The following CNTN3 variants were observed in gnomAD, a reference collection of about 807,000 sequenced individuals.
The protein encoded by CNTN3 is contactin-3.
A neutral mutation model predicts 119.1 loss-of-function variants in CNTN3; 60 were observed. The ratio of observed to expected loss-of-function variants is 0.50; its 90% CI spans 0.41 to 0.62. CNTN3 has a LOEUF of 0.62. Ranked by LOEUF, CNTN3 falls within the 20% of genes least tolerant of loss-of-function variation. The probability of loss-of-function intolerance (pLI) is 0.00; values close to 1 mark genes in which losing one functional copy is unlikely to be tolerated. For missense variants in CNTN3, 1,101 were observed against 1,242.4 expected, an observed-to-expected ratio of 0.89 and a Z score of 1.71; for synonymous variants, 450 against 438.7, an observed-to-expected ratio of 1.03 and a Z score of -0.32.
chr3:74,424,471 T>TGAGAGAGAGAGAGA, intron 5 of CNTN3, among the ~76,000 whole-genome samples: 1 of 67,018 alleles, frequency 1.5e-5, no homozygotes, highest in African/African-American at 4.4e-5. Context: ...TGTGTGTGTG[T>TGAGAGAGAGAGAGA]GACAGAGAGA....
chr3:74,443,958 T>G (rs1702007036), intron 4 of CNTN3, among the ~76,000 whole-genome samples: 1 of 152,118 alleles, frequency 6.6e-6, no homozygotes, highest in Non-Finnish European at 1.5e-5. Context: ...AAAATCATGG[T>G]GTTGGCAGGA....
intron 1 of CNTN3, among the ~76,000 whole-genome samples, chr3:74,592,814 C>T (rs1405069043): frequency 6.6e-6 from 1 of 151,894 alleles, no homozygotes; most frequent in African/African-American, 2.4e-5. Flanking sequence ...TCACACTGAT[C>T]ATAAATTGCA....
intron 2 of CNTN3, among the ~76,000 whole-genome samples, chr3:74,501,035 G>A (rs1485650641): frequency 6.6e-6 from 1 of 151,910 alleles, no homozygotes; most frequent in Non-Finnish European, 1.5e-5. Flanking sequence ...CTTTATGTAA[G>A]GAATTTGGCC....
chr3:74,575,260 T>C (rs116441621), intron 1 of CNTN3, among the ~76,000 whole-genome samples: 5,698 of 152,092 alleles, frequency 0.037, 135 homozygotes, highest in South Asian at 0.076. Context: ...ATTAGATTAA[T>C]ATTTTTTTTG....
At chr3:74,506,898 T>C (rs1228307251) in intron 2 of CNTN3, among the ~76,000 whole-genome samples, 1 of 152,234 alleles carries the variant, frequency 6.6e-6, no homozygotes, top group Non-Finnish European at 1.5e-5. Context: ...TCAAAGGTTT[T>C]AATAGAGATG....
chr3:74,277,325 T>G (rs1008284797), intron 20 of CNTN3, among the ~76,000 whole-genome samples: 1 of 151,968 alleles, frequency 6.6e-6, no homozygotes, highest in Non-Finnish European at 1.5e-5. Context: ...ACAAGAAAAC[T>G]ACAGACCGAT....
In CNTN3 at chr3:74,327,105, C is replaced by CTTTTTT. The variant is rs1491284899; in HGVS notation, c.1668+7629_1668+7630insAAAAAA. Among the ~76,000 whole-genome samples, 372 of 90,692 alleles carry CTTTTTT rather than the reference C, an allele frequency of 4.1e-3. 1 individual carries two copies. Among genetic ancestry groups the CTTTTTT allele is most frequent in the East Asian group, 7.8e-3 (20 of 2,572 alleles). 59.5% of individuals were successfully genotyped at this position (90,692 alleles called of 152,430 possible). A position where few individuals can be genotyped will look rare whatever the true frequency, so the allele number is the denominator to read the frequency against. Reference sequence around the variant, plus strand: ...CTAAAGTAGCTTATGAAGGGTTAATCCTTTTTTTTTTTTTTTTTTTTTTTT... The same window carrying CTTTTTT: ...CTAAAGTAGCTTATGAAGGGTTAATCTTTTTTCTTTTTTTTTTTTTTTTTTTTTTTT... On this transcript the variant is annotated intron_variant, in intron 13 of 22. Coordinates refer to ENST00000263665, the MANE Select transcript of CNTN3 (RefSeq NM_020872.3).
intron 4 of CNTN3, among the ~76,000 whole-genome samples, chr3:74,425,418 G>A (rs1037998161): frequency 3.3e-5 from 5 of 152,158 alleles, no homozygotes; most frequent in East Asian, 1.9e-4. Context: ...TTGCTTTGAG[G>A]TAGAAAAGCT....
At chr3:74,554,500 C>T (rs1338867864) in intron 1 of CNTN3, among the ~76,000 whole-genome samples, 3 of 152,168 alleles carry the variant, frequency 2.0e-5, no homozygotes, top group African/African-American at 4.8e-5. Flanking sequence ...CTATAAATTA[C>T]TTTGGGCAGT....
intron 2 of CNTN3, among the ~76,000 whole-genome samples, chr3:74,506,041 G>C (rs1703253666): frequency 6.6e-6 from 1 of 152,150 alleles, no homozygotes; most frequent in Admixed American, 6.6e-5. Flanking sequence ...TCGCAGGAAT[G>C]GCAGAGCCCT....
intron 1 of CNTN3, among the ~76,000 whole-genome samples, chr3:74,611,822 T>C (rs1705086388): frequency 6.6e-6 from 1 of 152,206 alleles, no homozygotes; most frequent in African/African-American, 2.4e-5. Flanking sequence ...ACAAAGTACC[T>C]TGCTAAGATA....
chr3:74,504,284 G>C (rs996992482), intron 2 of CNTN3, among the ~76,000 whole-genome samples: 1 of 152,144 alleles, frequency 6.6e-6, no homozygotes, highest in African/African-American at 2.4e-5. Context: ...TGCAATTAAA[G>C]ACAGAATGTA....
intron 4 of CNTN3, among the ~76,000 whole-genome samples, chr3:74,458,193 C>A (rs1047225124): frequency 6.6e-6 from 1 of 151,940 alleles, no homozygotes; most frequent in African/African-American, 2.4e-5. Context: ...CAGCTCTCTG[C>A]TGAAGAAATA....
intron 13 of CNTN3, among the ~76,000 whole-genome samples, chr3:74,325,113 CTT>C (rs1461087594): frequency 6.8e-6 from 1 of 147,358 alleles, no homozygotes; most frequent in Non-Finnish European, 1.5e-5. Context: ...ATTACTTTGT[CTT>C]TGGCAAAAAA....
rs923356074 is a variant in CNTN3 at position 74,611,684 on chromosome 3, A to C, written c.-81+2707T>G. On this transcript the variant is annotated intron_variant, in intron 1 of 22. Transcript: ENST00000263665. ...ATTCTCCATTGCACTTTTTTCAAGC[A>C]TAAGAAAGGAAACTGTCCACCAGCA... Among the ~76,000 whole-genome samples the C allele has an allele frequency of 5.3e-5, 8 of 152,202 alleles. No individual in the cohort carries two copies. The East Asian group carries it at 1.4e-3, about 26-fold the overall frequency.
intron 1 of CNTN3, among the ~76,000 whole-genome samples, chr3:74,583,457 A>G (rs2106672090): frequency 6.6e-6 from 1 of 152,318 alleles, no homozygotes; most frequent in South Asian, 2.1e-4. Flanking sequence ...CAAAACAGCG[A>G]GGCTCTAAAG....
At chr3:74,510,779 A>G (rs1703350716) in intron 2 of CNTN3, among the ~76,000 whole-genome samples, 1 of 152,136 alleles carries the variant, frequency 6.6e-6, no homozygotes, top group African/African-American at 2.4e-5. Context: ...CAAGCTATGA[A>G]TTTAGTTAAC....
chr3:74,295,445 C>G (rs1405697386), intron 18 of CNTN3, among the ~76,000 whole-genome samples: 1 of 152,202 alleles, frequency 6.6e-6, no homozygotes, highest in Admixed American at 6.5e-5. Context: ...CTTTGCTAAA[C>G]AGCTGTGGCA....
chr3:74,529,120 T>G (rs1465272576), intron 1 of CNTN3, among the ~76,000 whole-genome samples: 4 of 151,898 alleles, frequency 2.6e-5, no homozygotes. Flanking sequence ...AGCAGCTAAC[T>G]CTGGGGAGGA....
Sources: allele counts gnomAD v4.1 joint callset (sites outside exome capture counted in the v4.1 genomes callset), GRCh38; gene constraint gnomAD v4.1.1; transcripts MANE v1.5; gene names NCBI Gene and HGNC (gene_info 2026-07-23, HGNC 2026-07-21).